WDPCP: variants seen among roughly 807,000 people sequenced by gnomAD.
WDPCP encodes WD repeat containing planar cell polarity effector.
WDPCP carries 71 observed loss-of-function variants against 93.1 expected under a neutral mutation model. The observed-to-expected ratio is 0.76, with a 90% CI of 0.63 to 0.93. The LOEUF is 0.93. WDPCP is among the 40% of genes least tolerant of loss of function. WDPCP has a pLI of 0.00. For missense variants in WDPCP, 844 were observed against 887.4 expected (o/e 0.95, Z 0.62); for synonymous variants, 315 against 315.0 (o/e 1.00, Z 0.00).
At chr2:63,238,172 A>G (rs993545721) in intron 14 of WDPCP, among the ~76,000 whole-genome samples, 2 of 152,078 alleles carry the variant, frequency 1.3e-5, no homozygotes, top group Admixed American at 6.6e-5. Context: ...TCATTCTTCA[A>G]AGGTTATTTT....
At position 63,742,269 on chromosome 2, in the gene WDPCP, G is replaced by A. The variant is rs187941011; in HGVS notation, n.308+71353C>T. ...GAAAAGGAAGGAAGGGAGGGAGGAA[G>A]GAAGGAAGGGAGAGAGGGAGGAAGG... On this transcript the variant is annotated intron_variant and non_coding_transcript_variant, in intron 2 of 4. Coordinates refer to the WDPCP transcript ENST00000467687. 5.3e-3 allele frequency among the ~76,000 whole-genome samples: 800 copies of A among 152,034 alleles called. 3 individuals are homozygous for A. The highest frequency in any genetic ancestry group is 8.8e-3 in the Non-Finnish European group (597 of 67,910).
intron 12 of WDPCP, among the ~76,000 whole-genome samples, chr2:63,316,153 A>G (rs1258813625): frequency 1.3e-5 from 2 of 152,158 alleles, no homozygotes; most frequent in South Asian, 4.1e-4. Flanking sequence ...CACAGAGGAA[A>G]AAGAGATTAA....
At chr2:63,227,110 A>G (rs952595731) in intron 14 of WDPCP, among the ~76,000 whole-genome samples, 1 of 151,988 alleles carries the variant, frequency 6.6e-6, no homozygotes, top group Non-Finnish European at 1.5e-5. Flanking sequence ...CTCTATGCAC[A>G]TAATTAACAG....
intron 1 of WDPCP, among the ~76,000 whole-genome samples, chr2:63,586,747 C>T (rs1575707725): frequency 6.6e-6 from 1 of 152,166 alleles, no homozygotes; most frequent in South Asian, 2.1e-4. Flanking sequence ...GATGGGAATA[C>T]GGGGGCTTAC....
intron 14 of WDPCP, among the ~76,000 whole-genome samples, chr2:63,175,231 A>G (rs1673718129): frequency 6.6e-6 from 1 of 152,160 alleles, no homozygotes; most frequent in Non-Finnish European, 1.5e-5. Flanking sequence ...ATCTTTCCCA[A>G]TATTTGCTTT....
At chr2:63,806,796 C>T (rs188458817) in intron 2 of WDPCP, among the ~76,000 whole-genome samples, 99 of 152,306 alleles carry the variant, frequency 6.5e-4, no homozygotes, top group African/African-American at 2.2e-3. Flanking sequence ...GGCTCTGTTC[C>T]GCCCGGCTCA....
intron 3 of WDPCP, chr2:63,622,484 C>G: frequency 6.2e-7 from 1 of 1,613,954 alleles, no homozygotes; most frequent in South Asian, 1.1e-5. Flanking sequence ...TGTCAGAGTT[C>G]ACACAGTAAA....
intron 14 of WDPCP, among the ~76,000 whole-genome samples, chr2:63,239,749 G>A (rs562745227): frequency 6.6e-6 from 1 of 151,936 alleles, no homozygotes; most frequent in Non-Finnish European, 1.5e-5. Context: ...CCTCTGCTTG[G>A]GCACTTTAAT....
chr2:63,459,708 G>A (rs957218989), intron 6 of WDPCP, among the ~76,000 whole-genome samples: 4 of 152,188 alleles, frequency 2.6e-5, no homozygotes, highest in African/African-American at 7.2e-5. Context: ...CGGAGCTCAG[G>A]AGTTTGAGAA....
chr2:63,345,630 A>G (rs1689139787), intron 12 of WDPCP, among the ~76,000 whole-genome samples: 1 of 152,224 alleles, frequency 6.6e-6, no homozygotes. Context: ...ATTGTTGATC[A>G]GAACTCTAGA....
At chr2:63,135,531 C>T (rs1670557238) in intron 17 of WDPCP, among the ~76,000 whole-genome samples, 1 of 152,018 alleles carries the variant, frequency 6.6e-6, no homozygotes, top group African/African-American at 2.4e-5. Context: ...AGCGTTTCAC[C>T]ATGTTGGCCA....
At chr2:63,571,330 A>AT (rs1468718391) in intron 1 of WDPCP, 2 of 449,590 alleles carry the variant, frequency 4.4e-6, no homozygotes, top group African/African-American at 2.0e-5. Context: ...AAACTTAGTC[A>AT]TTTTTTTAAT....
intron 8 of WDPCP, among the ~76,000 whole-genome samples, chr2:63,434,763 T>A (rs1697022923): frequency 6.6e-6 from 1 of 151,840 alleles, no homozygotes; most frequent in South Asian, 2.1e-4. Context: ...GGGCAGGGGG[T>A]CTTCTTATCA....
chr2:63,236,056 A>G (rs1438457910), intron 14 of WDPCP, among the ~76,000 whole-genome samples: 1 of 152,196 alleles, frequency 6.6e-6, no homozygotes, highest in Non-Finnish European at 1.5e-5. Flanking sequence ...CTCTTTGCTG[A>G]TAATATGATT....
intron 2 of WDPCP, among the ~76,000 whole-genome samples, chr2:63,777,767 G>T (rs779118945): frequency 6.6e-6 from 1 of 152,054 alleles, no homozygotes; most frequent in African/African-American, 2.4e-5. Flanking sequence ...GATGAGGGGA[G>T]TAAAAAGAGT....
intron 13 of WDPCP, among the ~76,000 whole-genome samples, chr2:63,283,237 T>C (rs1683707386): frequency 6.6e-6 from 1 of 152,174 alleles, no homozygotes; most frequent in Non-Finnish European, 1.5e-5. Context: ...TTTAAGAGGT[T>C]TTGCTATATT....
chr2:63,423,602 A>G (rs1293258470), intron 9 of WDPCP, among the ~76,000 whole-genome samples: 1 of 152,226 alleles, frequency 6.6e-6, no homozygotes, highest in African/African-American at 2.4e-5. Flanking sequence ...AATTACCACC[A>G]TACTCAGAAA....
chr2:63,166,083 T>C (rs928883011), intron 15 of WDPCP, among the ~76,000 whole-genome samples: 6 of 152,114 alleles, frequency 3.9e-5, no homozygotes, highest in Non-Finnish European at 8.8e-5. Context: ...TTTTTTTATT[T>C]TGAAACGGAG....
intron 3 of WDPCP, chr2:63,622,844 A>G: frequency 6.2e-7 from 1 of 1,600,042 alleles, no homozygotes; most frequent in Non-Finnish European, 8.5e-7. Context: ...TCCTGGCCGA[A>G]GTGGGCTCAG....
Sources: allele counts gnomAD v4.1 joint callset (sites outside exome capture counted in the v4.1 genomes callset), GRCh38; gene constraint gnomAD v4.1.1; transcripts MANE v1.5; gene names NCBI Gene and HGNC (gene_info 2026-07-23, HGNC 2026-07-21).